LHFPL6: variants seen among roughly 807,000 people sequenced by gnomAD.
LHFPL6 encodes the protein LHFPL tetraspan subfamily member 6 protein.
LHFPL6 carries 9 observed loss-of-function variants against 20.6 expected under a neutral mutation model. That is an observed-to-expected ratio of 0.44 (90% CI 0.26 to 0.76). The LOEUF (loss-of-function observed/expected upper bound fraction) is 0.76, where lower values mean the gene tolerates loss of function less well. LHFPL6 is among the 30% of genes least tolerant of loss of function. The pLI is 0.20. For synonymous variants in LHFPL6, 105 were observed against 98.7 expected (o/e 1.06, Z -0.38); for missense variants, 218 against 253.5 (o/e 0.86, Z 0.95).
chr13:39,343,866 G>C lies in LHFPL6; in HGVS notation c.*70C>G. ...ACTACTATCCCACCTTTTGAAGGTA[G>C]GTGGATGTTTTGACCTCTCCAAGCC... On this transcript the variant is annotated 3_prime_UTR_variant, in exon 4 of 4. Transcript: ENST00000379589. 1 of 1,080,742 alleles carries C rather than the reference G, an allele frequency of 9.3e-7. No homozygotes were observed. Among genetic ancestry groups the C allele is most frequent in the Non-Finnish European group, 1.4e-6 (1 of 714,190 alleles). The allele number at this position is 1,080,742 out of a possible 1,614,324, so 66.9% of individuals were successfully genotyped here.
intron 2 of LHFPL6, among the ~76,000 whole-genome samples, chr13:39,539,742 T>C (rs1421366448): frequency 2.0e-5 from 3 of 152,218 alleles, no homozygotes; most frequent in Non-Finnish European, 4.4e-5. Context: ...CCTTTAAGAA[T>C]GATTTCCACA....
rs866569911 is a variant in LHFPL6, at chr13:39,363,711, T to C, written c.484+14717A>G. On this transcript the variant is annotated intron_variant, in intron 3 of 3. Transcript: ENST00000379589. Reference sequence around the variant, plus strand: ...ATTTGTAATTTCCTGGCTCCCAGTCTAAAGCAGGCCGGTGATGCTGGGTTA... The same window carrying C: ...ATTTGTAATTTCCTGGCTCCCAGTCCAAAGCAGGCCGGTGATGCTGGGTTA... Among the ~76,000 whole-genome samples, 6 of 152,286 alleles carry C rather than the reference T, an allele frequency of 3.9e-5. No individual in the cohort carries two copies. In the South Asian group the frequency reaches 8.3e-4, roughly 21 times the overall value.
Position 39,484,080 on chromosome 13 carries a change from T to A in LHFPL6, c.386-105554A>T, listed in dbSNP as rs924823372. On this transcript the variant is annotated intron_variant, in intron 2 of 3. Transcript: ENST00000379589. ...CTCTCTATTTACACTTCCTATGTGA[T>A]TCCATCCAGATCTGTGCTTTCAATG... is the stretch of plus-strand genomic sequence containing the variant. Among the ~76,000 whole-genome samples the A allele has an allele frequency of 2.0e-5, 3 of 152,202 alleles. No individual in the cohort carries two copies. In the East Asian group the frequency reaches 5.8e-4, roughly 29 times the overall value.
At chr13:39,435,297 C>T (rs553424797) in intron 2 of LHFPL6, among the ~76,000 whole-genome samples, 2 of 152,018 alleles carry the variant, frequency 1.3e-5, no homozygotes, top group East Asian at 1.9e-4. Flanking sequence ...ATTGGGCTAA[C>T]GTTTTATCCA....
chr13:39,602,300 C>T (rs1453342159), intron 1 of LHFPL6, among the ~76,000 whole-genome samples: 5 of 152,230 alleles, frequency 3.3e-5, no homozygotes, highest in Non-Finnish European at 7.3e-5. Flanking sequence ...GGACCCCTAA[C>T]TCCAGCTTTC....
chr13:39,598,836 C>T (rs750364565), intron 2 of LHFPL6, among the ~76,000 whole-genome samples: 2 of 152,114 alleles, frequency 1.3e-5, no homozygotes. Context: ...GGATTGCAGG[C>T]GTGAGCCACC....
At chr13:39,558,514 T>G (rs1218117902) in intron 2 of LHFPL6, among the ~76,000 whole-genome samples, 1 of 152,206 alleles carries the variant, frequency 6.6e-6, no homozygotes, top group Non-Finnish European at 1.5e-5. Flanking sequence ...TCTCTCATAA[T>G]GATGAAATAT....
intron 2 of LHFPL6, among the ~76,000 whole-genome samples, chr13:39,575,539 C>T (rs1044529051): frequency 6.6e-6 from 1 of 152,116 alleles, no homozygotes; most frequent in Non-Finnish European, 1.5e-5. Flanking sequence ...ATTAAGAAGT[C>T]CAAGTGGCCA....
rs544769737 is a variant in LHFPL6, at chr13:39,362,986, C to T, written c.484+15442G>A. Among the ~76,000 whole-genome samples, 87 of 152,324 alleles carry T rather than the reference C, an allele frequency of 5.7e-4. 1 individual carries two copies. The South Asian group carries it at 0.017, about 30-fold the overall frequency. ...TCGGGGCACAGAGCCCATTTTCCTCCACAAAATTTCCCCAGCCTGGCAAGG... is the reference window on the plus strand; with the variant it reads ...TCGGGGCACAGAGCCCATTTTCCTCTACAAAATTTCCCCAGCCTGGCAAGG... On this transcript the variant is annotated intron_variant, in intron 3 of 3. Coordinates refer to ENST00000379589, the MANE Select transcript of LHFPL6 (RefSeq NM_005780.3).
At chr13:39,520,283 C>G (rs1445806426) in intron 2 of LHFPL6, among the ~76,000 whole-genome samples, 2 of 152,178 alleles carry the variant, frequency 1.3e-5, no homozygotes, top group Non-Finnish European at 2.9e-5. Context: ...CGCAGCAGGT[C>G]AAGTCAACCA....
At chr13:39,536,925 G>C (rs145670829) in intron 2 of LHFPL6, among the ~76,000 whole-genome samples, 198 of 152,302 alleles carry the variant, frequency 1.3e-3, no homozygotes, top group African/African-American at 4.6e-3. Context: ...ACCCTTAGCT[G>C]TCTCCTCTCT....
intron 3 of LHFPL6, among the ~76,000 whole-genome samples, chr13:39,368,399 T>C (rs1203428518): frequency 1.3e-5 from 2 of 151,882 alleles, no homozygotes; most frequent in Non-Finnish European, 2.9e-5. Context: ...CTGGCCACCA[T>C]GGTGAAACCC....
rs187725784 is a variant in LHFPL6, at chr13:39,420,969, C to A, written c.386-42443G>T. Among the ~76,000 whole-genome samples the A allele has an allele frequency of 3.8e-3, 574 of 152,226 alleles. 4 individuals carry two copies. The highest frequency in any genetic ancestry group is 0.013 in the African/African-American group (554 of 41,538). ...GGTTCTGAATCTGTGTTTTTCCCCC[C>A]CCTCAAAACTAGGAAATACTTTGGT... is the stretch of plus-strand genomic sequence containing the variant. On this transcript the variant is annotated intron_variant, in intron 2 of 3. Coordinates refer to ENST00000379589, the MANE Select transcript of LHFPL6 (RefSeq NM_005780.3).
chr13:39,398,406 A>G (rs537493562), intron 2 of LHFPL6, among the ~76,000 whole-genome samples: 1 of 152,178 alleles, frequency 6.6e-6, no homozygotes, highest in Non-Finnish European at 1.5e-5. Context: ...CCTTTAATTT[A>G]CCAAATAGTA....
intron 2 of LHFPL6, among the ~76,000 whole-genome samples, chr13:39,423,352 G>A (rs571447999): frequency 1.3e-5 from 2 of 152,238 alleles, no homozygotes; most frequent in African/African-American, 4.8e-5. Flanking sequence ...GGATCTGACA[G>A]GAGGAATACA....
At chr13:39,441,489 C>T (rs1402131957) in intron 2 of LHFPL6, among the ~76,000 whole-genome samples, 1 of 148,356 alleles carries the variant, frequency 6.7e-6, no homozygotes, top group Non-Finnish European at 1.5e-5. Context: ...CAATTAAATT[C>T]AGAATTTCTG....
At chr13:39,345,247 T>C (rs1209199313) in intron 3 of LHFPL6, among the ~76,000 whole-genome samples, 1 of 152,098 alleles carries the variant, frequency 6.6e-6, no homozygotes, top group Non-Finnish European at 1.5e-5. Context: ...GCGCAGTGGC[T>C]CATGCCTGTA....
At chr13:39,599,099 TTGC>T (rs111973705) in intron 2 of LHFPL6, among the ~76,000 whole-genome samples, 4,634 of 152,266 alleles carry the variant, frequency 0.03, 234 homozygotes, top group African/African-American at 0.11. Flanking sequence ...TCACTTCCTG[TTGC>T]CTTCCTTCAT....
At chr13:39,500,687 T>C (rs564572456) in intron 2 of LHFPL6, among the ~76,000 whole-genome samples, 1 of 152,332 alleles carries the variant, frequency 6.6e-6, no homozygotes, top group Non-Finnish European at 1.5e-5. Flanking sequence ...AAAAGGCCCA[T>C]GAATTGTATA....
Sources: gnomAD v4.1 joint callset for allele counts (sites outside exome capture counted in the v4.1 genomes callset) on GRCh38, gnomAD v4.1.1 for gene constraint, MANE v1.5 for transcripts, NCBI Gene and HGNC (gene_info 2026-07-23, HGNC 2026-07-21) for gene names.